The following FGF12 variants were observed in gnomAD, a reference collection of about 807,000 sequenced individuals.
The protein encoded by FGF12 is fibroblast growth factor 12B.
Under a neutral mutation model 23.6 loss-of-function variants are expected in FGF12, and 14 were observed. The observed-to-expected ratio is 0.59, with a 90% CI of 0.39 to 0.93. The LOEUF (loss-of-function observed/expected upper bound fraction) is 0.93. Among genes scored for constraint, FGF12 ranks in the 40% least tolerant of loss-of-function variants. FGF12 has a pLI of 0.00. For synonymous variants in FGF12, 62 were observed against 77.3 expected (o/e 0.80, Z 1.04); for missense variants, 175 against 217.8 (o/e 0.80, Z 1.24).
chr3:192,594,270 C>G (rs9825124), intron 2 of FGF12, among the ~76,000 whole-genome samples: 1 of 151,706 alleles, frequency 6.6e-6, no homozygotes, highest in South Asian at 2.1e-4. Flanking sequence ...ATGGTTTTAC[C>G]TGGTTTGCAA....
intron 2 of FGF12, among the ~76,000 whole-genome samples, chr3:192,478,933 C>A (rs1263386348): frequency 6.6e-6 from 1 of 152,082 alleles, no homozygotes; most frequent in Non-Finnish European, 1.5e-5. Flanking sequence ...CTGGTTAGAA[C>A]CTGCTCAGTC....
intron 4 of FGF12, among the ~76,000 whole-genome samples, chr3:192,174,194 T>C (rs1715733829): frequency 6.6e-6 from 1 of 152,214 alleles, no homozygotes; most frequent in Non-Finnish European, 1.5e-5. Context: ...TCTCATTTAA[T>C]AAATAACGAT....
chr3:192,274,223 G>A (rs1490826429), intron 4 of FGF12, among the ~76,000 whole-genome samples: 1 of 152,076 alleles, frequency 6.6e-6, no homozygotes, highest in Non-Finnish European at 1.5e-5. Context: ...TACCTATCAA[G>A]GTAGAGCAGA....
At chr3:192,278,466 G>T (rs377458493) in intron 4 of FGF12, among the ~76,000 whole-genome samples, 1 of 152,148 alleles carries the variant, frequency 6.6e-6, no homozygotes, top group Non-Finnish European at 1.5e-5. Context: ...ACCTAGGAAC[G>T]TAGAAAGCAA....
chr3:192,359,789 AT>A (rs1380607122), intron 3 of FGF12, among the ~76,000 whole-genome samples: 1 of 150,262 alleles, frequency 6.7e-6, no homozygotes, highest in Non-Finnish European at 1.5e-5. Context: ...CAGCATTTTT[AT>A]TTCCCCCCCC....
intron 2 of FGF12, among the ~76,000 whole-genome samples, chr3:192,481,830 G>A (rs1272822039): frequency 6.6e-6 from 1 of 152,176 alleles, no homozygotes; most frequent in African/African-American, 2.4e-5. Flanking sequence ...CATATTTTCT[G>A]AAATTCTGCC....
At chr3:192,192,534 G>A (rs911759411) in intron 4 of FGF12, among the ~76,000 whole-genome samples, 2 of 149,144 alleles carry the variant, frequency 1.3e-5, no homozygotes, top group Non-Finnish European at 3.0e-5. Context: ...CACACAGTGG[G>A]GCAGGAAACA....
chr3:192,586,550 G>A (rs1161770149), intron 2 of FGF12, among the ~76,000 whole-genome samples: 2 of 152,110 alleles, frequency 1.3e-5, no homozygotes, highest in African/African-American at 4.8e-5. Context: ...TTCCAAAATA[G>A]TGCTTGGAAA....
intron 2 of FGF12, among the ~76,000 whole-genome samples, chr3:192,544,157 A>G (rs1014389135): frequency 1.3e-5 from 2 of 152,136 alleles, no homozygotes; most frequent in Non-Finnish European, 2.9e-5. Flanking sequence ...ACAGGACAGC[A>G]CTGAGTTCCA....
chr3:192,300,859 A>C (rs1293273413), intron 4 of FGF12, among the ~76,000 whole-genome samples: 1 of 152,022 alleles, frequency 6.6e-6, no homozygotes, highest in Non-Finnish European at 1.5e-5. Context: ...TCTCCTAAGA[A>C]ATACAAAAAT....
intron 2 of FGF12, among the ~76,000 whole-genome samples, chr3:192,693,449 A>C (rs531851572): frequency 4.6e-5 from 7 of 152,298 alleles, no homozygotes; most frequent in Non-Finnish European, 1.0e-4. Context: ...AAAGTCCCTG[A>C]ATAGCCAAAG....
chr3:192,377,368 A>T (rs1332791641), intron 2 of FGF12, among the ~76,000 whole-genome samples: 1 of 152,196 alleles, frequency 6.6e-6, no homozygotes, highest in East Asian at 1.9e-4. Context: ...CTCGATAAAT[A>T]TAAATTCCCT....
At chr3:192,398,173 G>T (rs1054856744) in intron 2 of FGF12, among the ~76,000 whole-genome samples, 1 of 152,132 alleles carries the variant, frequency 6.6e-6, no homozygotes, top group Admixed American at 6.6e-5. Context: ...ATTTTAGACA[G>T]ATTTCTTTAT....
intron 4 of FGF12, among the ~76,000 whole-genome samples, chr3:192,293,839 A>G (rs1282823827): frequency 6.6e-6 from 1 of 152,188 alleles, no homozygotes; most frequent in African/African-American, 2.4e-5. Flanking sequence ...TTACAGTTCC[A>G]GAGGATGGGA....
intron 2 of FGF12, among the ~76,000 whole-genome samples, chr3:192,368,105 C>T (rs1719064971): frequency 6.6e-6 from 1 of 151,916 alleles, no homozygotes; most frequent in Non-Finnish European, 1.5e-5. Flanking sequence ...CCTCCCTCCC[C>T]TTCCAAAAAA....
chr3:192,201,299 T>C (rs1396963629), intron 4 of FGF12, among the ~76,000 whole-genome samples: 1 of 152,198 alleles, frequency 6.6e-6, no homozygotes, highest in Non-Finnish European at 1.5e-5. Flanking sequence ...TTTCATTATA[T>C]GTGTGGGGGA....
chr3:192,544,103 C>G (rs1725437549), intron 2 of FGF12, among the ~76,000 whole-genome samples: 3 of 152,172 alleles, frequency 2.0e-5, no homozygotes, highest in African/African-American at 7.2e-5. Flanking sequence ...TTGCTCCCTC[C>G]ATTAGCTTTG....
At chr3:192,179,247 AC>A (rs768322035) in intron 4 of FGF12, among the ~76,000 whole-genome samples, 3 of 152,188 alleles carry the variant, frequency 2.0e-5, no homozygotes, top group Admixed American at 6.5e-5. Context: ...AGATACGGAA[AC>A]CTTTGTCTAC....
intron 4 of FGF12, among the ~76,000 whole-genome samples, chr3:192,213,598 C>T (rs1718044400): frequency 6.6e-6 from 1 of 152,176 alleles, no homozygotes; most frequent in Non-Finnish European, 1.5e-5. Flanking sequence ...AGGGGCAAGA[C>T]TAAGTCTTAG....
Sources: gnomAD v4.1 joint callset for allele counts (sites outside exome capture counted in the v4.1 genomes callset) on GRCh38, gnomAD v4.1.1 for gene constraint, MANE v1.5 for transcripts, NCBI Gene and HGNC (gene_info 2026-07-23, HGNC 2026-07-21) for gene names.